The following IL18R1 variants were observed in gnomAD, a reference collection of about 807,000 sequenced individuals.
The protein encoded by IL18R1 is interleukin 18 receptor 1.
In IL18R1, 40 loss-of-function variants were observed where a neutral mutation model predicts 48.5. That is an observed-to-expected ratio of 0.82 (90% CI 0.64 to 1.07). The LOEUF is 1.07. Ranked by LOEUF, IL18R1 falls within the 50% of genes least tolerant of loss-of-function variation. IL18R1 has a pLI of 0.00. For synonymous variants in IL18R1, 232 were observed against 225.9 expected, an observed-to-expected ratio of 1.03 and a Z score of -0.24; for missense variants, 596 against 633.7, an observed-to-expected ratio of 0.94 and a Z score of 0.64.
At chr2:102,388,655 T>C (rs188559199) in intron 8 of IL18R1, among the ~76,000 whole-genome samples, 258 of 152,288 alleles carry the variant, frequency 1.7e-3, no homozygotes, top group African/African-American at 6.1e-3. Context: ...CTCTCACAAA[T>C]GTAGGTTTAG....
chr2:102,358,401 C>T (rs1432925258), intron 1 of IL18R1, among the ~76,000 whole-genome samples: 1 of 152,046 alleles, frequency 6.6e-6, no homozygotes, highest in East Asian at 1.9e-4. Context: ...CCTAGGTCAC[C>T]CAATTTTTGA....
In IL18R1 at chr2:102,356,259, C is replaced by T; in HGVS notation, c.-170C>T. Reference sequence around the variant, plus strand: ...TGGGTGCCTTATCTCTTTAATCACACCTCTCTTTCACTTTCCACGGTAGTC... The same window carrying T: ...TGGGTGCCTTATCTCTTTAATCACATCTCTCTTTCACTTTCCACGGTAGTC... On this transcript the variant is annotated 5_prime_UTR_variant, in exon 1 of 11. Transcript: ENST00000233957. The T allele has an allele frequency of 1.4e-6, 1 of 713,614 alleles. No homozygotes were observed. Among genetic ancestry groups the T allele is most frequent in the Non-Finnish European group, 1.7e-6 (1 of 583,032 alleles). 44.2% of individuals were successfully genotyped at this position (713,614 alleles called of 1,614,324 possible). A position where few individuals can be genotyped will look rare whatever the true frequency, so the allele number is the denominator to read the frequency against.
rs769550239 is a variant in IL18R1, at chr2:102,396,818, A to C, written c.1558A>C (p.Met520Leu). The C allele has an allele frequency of 5.6e-6, 9 of 1,612,896 alleles. No individual in the cohort carries two copies. In the East Asian group the frequency reaches 2.0e-4, roughly 36 times the overall value. ...SRFWKNLLYL[M>L]PAKTVKPGRD... ...GTTCTGGAAGAACCTTCTTTACTTA[A>C]TGCCTGCAAAAACAGTCAAGCCAGG... The change falls in exon 11 of 11, where the codon ATG becomes CTG. Residue 520 changes from methionine to leucine, a missense_variant. Transcript: ENST00000233957.
At chr2:102,364,057 C>A (rs1211471361) in intron 2 of IL18R1, among the ~76,000 whole-genome samples, 1 of 152,184 alleles carries the variant, frequency 6.6e-6, no homozygotes, top group African/African-American at 2.4e-5. Flanking sequence ...AAGCTTCTAG[C>A]TGCCTGAGGA....
intron 2 of IL18R1, 60 bp downstream of exon 2, chr2:102,362,778 G>GT (rs558118656): frequency 0.1 from 86,992 of 830,486 alleles, 57 homozygotes; most frequent in South Asian, 0.14. Context: ...GAATGTCAAA[G>GT]TTTTTTTTTT....
At chr2:102,364,761 T>C (rs774726565) in intron 2 of IL18R1, among the ~76,000 whole-genome samples, 5 of 152,184 alleles carry the variant, frequency 3.3e-5, no homozygotes, top group Admixed American at 6.5e-5. Flanking sequence ...TTCACAGTTC[T>C]GTATGGCTGG....
intron 9 of IL18R1, among the ~76,000 whole-genome samples, chr2:102,392,243 A>C (rs975331925): frequency 1.3e-5 from 2 of 152,190 alleles, no homozygotes; most frequent in African/African-American, 2.4e-5. Flanking sequence ...TTGAGCCTGC[A>C]TGTGCATGTG....
chr2:102,379,945 A>T (rs1350348840), intron 5 of IL18R1, among the ~76,000 whole-genome samples: 3 of 152,102 alleles, frequency 2.0e-5, no homozygotes, highest in Non-Finnish European at 4.4e-5. Flanking sequence ...GTTGAGTTTA[A>T]AGTACTCAGC....
rs552164602 is a variant in IL18R1, at chr2:102,358,510, C to T, written c.-29+2110C>T. ...ATGTGTGTGTACACACACGTACGTA[C>T]ATATGTACATGCACAAATATTTAAT... On this transcript the variant is annotated intron_variant, in intron 1 of 10. Coordinates refer to ENST00000233957, the MANE Select transcript of IL18R1 (RefSeq NM_003855.5). Among the ~76,000 whole-genome samples, 5 of 152,294 alleles carry T rather than the reference C, an allele frequency of 3.3e-5. No individual in the cohort carries two copies. The South Asian group carries it at 1.0e-3, about 32-fold the overall frequency.
intron 4 of IL18R1, among the ~76,000 whole-genome samples, chr2:102,375,592 G>A (rs756377858): frequency 4.6e-5 from 7 of 152,012 alleles, no homozygotes; most frequent in East Asian, 1.9e-4. Flanking sequence ...TCTGTCTCTC[G>A]CTGTTTCTCT....
intron 9 of IL18R1, among the ~76,000 whole-genome samples, chr2:102,390,844 A>T (rs1680521399): frequency 6.7e-6 from 1 of 149,542 alleles, no homozygotes; most frequent in Non-Finnish European, 1.5e-5. Context: ...GAGGCAGGAG[A>T]ATGGCGTGTG....
chr2:102,362,529 T>C (rs1335218261), intron 1 of IL18R1, 104 bp from the exon 2 acceptor site: 4 of 633,504 alleles, frequency 6.3e-6, no homozygotes, highest in Non-Finnish European at 1.1e-5. Flanking sequence ...TCTTCTAGGT[T>C]GTTTTTTTAA....
At chr2:102,365,929 C>T (rs1299733136) in intron 2 of IL18R1, among the ~76,000 whole-genome samples, 1 of 152,174 alleles carries the variant, frequency 6.6e-6, no homozygotes, top group Non-Finnish European at 1.5e-5. Context: ...CTAGGCTGCA[C>T]ACAGAAAGGG....
At chr2:102,384,748 A>G (rs1344171347) in intron 6 of IL18R1, 130 bp from the exon 7 acceptor site, 5 of 920,558 alleles carry the variant, frequency 5.4e-6, no homozygotes, top group Non-Finnish European at 8.2e-6. Flanking sequence ...AAAGCAAGGC[A>G]TATTTATTCT....
intron 8 of IL18R1, 35 bp from the exon 9 acceptor site, chr2:102,390,021 A>G (rs1329805703): frequency 6.2e-7 from 1 of 1,608,106 alleles, no homozygotes; most frequent in African/African-American, 1.3e-5. Flanking sequence ...AGATTTCTTG[A>G]TTATTTTCTT....
In IL18R1 at chr2:102,356,111, TGC is replaced by T. The variant is rs1678231952; in HGVS notation, c.-317_-316del. ...CGGAGCTTCGCCCGACCGCGGGCAG[TGC>T]CCACCTGCAGCCTCCACCGGCCGGG... On this transcript the variant is annotated 5_prime_UTR_variant, in exon 1 of 11. Transcript: ENST00000233957. 1 of 154,640 alleles carries T rather than the reference TGC, an allele frequency of 6.5e-6. No individual in the cohort carries two copies. The highest frequency in any genetic ancestry group is 2.1e-4 in the South Asian group (1 of 4,872). 9.6% of individuals were successfully genotyped at this position (154,640 alleles called of 1,614,324 possible). A position where few individuals can be genotyped will look rare whatever the true frequency, so the allele number is the denominator to read the frequency against.
At chr2:102,384,147 AC>A (rs1458597181) in intron 6 of IL18R1, among the ~76,000 whole-genome samples, 1 of 151,958 alleles carries the variant, frequency 6.6e-6, no homozygotes, top group African/African-American at 2.4e-5. Context: ...AGGTATGTTC[AC>A]TCCAATCTGT....
At chr2:102,358,554 A>T (rs889207964) in intron 1 of IL18R1, among the ~76,000 whole-genome samples, 9 of 152,182 alleles carry the variant, frequency 5.9e-5, no homozygotes, top group Non-Finnish European at 8.8e-5. Flanking sequence ...GACACACCAA[A>T]TATATGCATT....
At chr2:102,369,433 A>T (rs1679114497) in intron 3 of IL18R1, among the ~76,000 whole-genome samples, 1 of 152,204 alleles carries the variant, frequency 6.6e-6, no homozygotes, top group Admixed American at 6.5e-5. Flanking sequence ...AGAGGTGTGG[A>T]GAGACAGGGT....
Sources: allele counts gnomAD v4.1 joint callset (sites outside exome capture counted in the v4.1 genomes callset), GRCh38; gene constraint gnomAD v4.1.1; transcripts MANE v1.5; gene names NCBI Gene and HGNC (gene_info 2026-07-23, HGNC 2026-07-21).